FAM13B: variants seen among roughly 807,000 people sequenced by gnomAD.
FAM13B encodes protein FAM13B.
FAM13B carries 60 observed loss-of-function variants against 117.3 expected under a neutral mutation model. That is an observed-to-expected ratio of 0.51 (90% confidence interval 0.42 to 0.63). The LOEUF is 0.63. FAM13B is among the 30% of genes least tolerant of loss of function. The pLI, the probability that FAM13B is intolerant of heterozygous loss-of-function variation, is 0.00. For synonymous variants in FAM13B, 332 were observed against 356.1 expected, an observed-to-expected ratio of 0.93 and a Z score of 0.76; for missense variants, 972 against 1,091.9, an observed-to-expected ratio of 0.89 and a Z score of 1.55.
chr5:138,029,887 C>A (rs984187867), intron 1 of FAM13B, among the ~76,000 whole-genome samples: 1 of 152,142 alleles, frequency 6.6e-6, no homozygotes, highest in Non-Finnish European at 1.5e-5. Flanking sequence ...TGACAGACAT[C>A]GCTCTTAAAA....
At chr5:138,004,471 T>A (rs1782052791) in intron 7 of FAM13B, among the ~76,000 whole-genome samples, 1 of 152,210 alleles carries the variant, frequency 6.6e-6, no homozygotes, top group African/African-American at 2.4e-5. Context: ...CCAAAAGAAA[T>A]TCTACAATGA....
rs36054299 is a variant in FAM13B, at chr5:138,012,216, C to CTTT, written c.371-274_371-272dup. 1.2e-3 allele frequency among the ~76,000 whole-genome samples: 143 copies of CTTT among 121,690 alleles called. 2 individuals carry two copies. Among genetic ancestry groups the CTTT allele is most frequent in the African/African-American group, 2.1e-3 (72 of 33,580 alleles). 79.8% of individuals were successfully genotyped at this position (121,690 alleles called of 152,430 possible). ...TCTATTACTCATTGGCCCCAATTCT[C>CTTT]TTTTTTTTTTTTTTTTTTTTTTAAT... On this transcript the variant is annotated intron_variant, in intron 4 of 23. Coordinates refer to ENST00000689681, the MANE Select transcript of FAM13B (RefSeq NM_001385994.1).
chr5:138,025,306 TATATG>T (rs201680953), intron 1 of FAM13B, among the ~76,000 whole-genome samples: 18,867 of 93,530 alleles, frequency 0.2, 2,986 homozygotes, highest in Non-Finnish European at 0.23. Context: ...TATATATATA[TATATG>T]TATTTTTTTT....
In FAM13B at chr5:138,028,968, G is replaced by A. The variant is rs557081694; in HGVS notation, c.-203+3814C>T. On this transcript the variant is annotated intron_variant, in intron 1 of 23. Transcript: ENST00000689681. Reference sequence around the variant, plus strand: ...CAGGAGACGGAGGTTGCAGTGAGCCGAGATCGCCGCCATTGCACTCCAGCC... The same window carrying A: ...CAGGAGACGGAGGTTGCAGTGAGCCAAGATCGCCGCCATTGCACTCCAGCC... Among the ~76,000 whole-genome samples the A allele has an allele frequency of 2.0e-3, 301 of 152,240 alleles. 1 individual carries two copies. The highest frequency in any genetic ancestry group is 6.8e-3 in the African/African-American group (284 of 41,550).
At chr5:137,943,341 C>G in intron 20 of FAM13B, 125 bp from the exon 21 acceptor site, 1 of 720,072 alleles carries the variant, frequency 1.4e-6, no homozygotes, top group Non-Finnish European at 2.2e-6. Flanking sequence ...TGCTTTAAAT[C>G]TTTTTAGGAA....
At chr5:137,997,193 G>C (rs62381759) in intron 7 of FAM13B, among the ~76,000 whole-genome samples, 112,293 of 152,102 alleles carry the variant, frequency 0.74, 42,113 homozygotes, top group East Asian at 0.97. Context: ...AATGAGGCCA[G>C]ATGCCGTGGC....
At chr5:137,943,466 G>C (rs1197112700) in intron 20 of FAM13B, among the ~76,000 whole-genome samples, 1 of 152,168 alleles carries the variant, frequency 6.6e-6, no homozygotes, top group African/African-American at 2.4e-5. Flanking sequence ...TTCTAAATGG[G>C]CCAGGCACGG....
At chr5:138,051,745 G>A (rs1209149737) in intron 1 of FAM13B, 1 of 152,168 alleles carries the variant, frequency 6.6e-6, no homozygotes, top group Non-Finnish European at 1.5e-5. Context: ...GATGAGAAAT[G>A]TGAGAACCAT....
chr5:137,952,838 A>C, intron 16 of FAM13B, 129 bp from the exon 17 acceptor site: 1 of 592,168 alleles, frequency 1.7e-6, no homozygotes, highest in Non-Finnish European at 2.9e-6. Flanking sequence ...TATTTTAATT[A>C]GATAGGGCAG....
At chr5:137,967,899 A>C (rs1474752374) in intron 10 of FAM13B, among the ~76,000 whole-genome samples, 1 of 151,948 alleles carries the variant, frequency 6.6e-6, no homozygotes, top group Admixed American at 6.6e-5. Flanking sequence ...GTCTCAAAAA[A>C]TAGAATAAAA....
chr5:137,986,742 AT>A lies in FAM13B; in HGVS notation c.1046+718del, dbSNP rs1359918782. On this transcript the variant is annotated intron_variant, in intron 9 of 23. Coordinates refer to ENST00000689681, the MANE Select transcript of FAM13B (RefSeq NM_001385994.1). ...CCAGTTAGCAACTGGCTCATAAATT[AT>A]TTTAAAAGCCATTCATTTGCTTATG... is the stretch of plus-strand genomic sequence containing the variant. 4.6e-5 allele frequency among the ~76,000 whole-genome samples: 7 copies of A among 152,342 alleles called. No individual in the cohort carries two copies. The Middle Eastern group carries it at 0.01, about 222-fold the overall frequency.
chr5:138,046,019 C>T (rs1358396239), intron 1 of FAM13B, among the ~76,000 whole-genome samples: 1 of 151,930 alleles, frequency 6.6e-6, no homozygotes, highest in Non-Finnish European at 1.5e-5. Context: ...CTTGAATTCT[C>T]ACATGTTGTG....
At chr5:138,020,456 T>G (rs1397203625) in intron 2 of FAM13B, among the ~76,000 whole-genome samples, 2 of 152,226 alleles carry the variant, frequency 1.3e-5, no homozygotes, top group Admixed American at 6.5e-5. Flanking sequence ...GGAATTGTGA[T>G]CAGTAAAGAA....
At chr5:138,010,901 G>A (rs1048950948) in intron 6 of FAM13B, 107 bp downstream of exon 6, 1 of 1,147,680 alleles carries the variant, frequency 8.7e-7, no homozygotes, top group Non-Finnish European at 1.1e-6. Flanking sequence ...ATTACTTCCA[G>A]GTCAGATTTA....
At chr5:137,988,763 CA>C (rs1008277762) in intron 7 of FAM13B, among the ~76,000 whole-genome samples, 1 of 151,880 alleles carries the variant, frequency 6.6e-6, no homozygotes, top group South Asian at 2.1e-4. Context: ...CCTTCTACAA[CA>C]AAAAAAAGTG....
intron 10 of FAM13B, among the ~76,000 whole-genome samples, chr5:137,965,514 T>C (rs1769440473): frequency 1.3e-5 from 2 of 152,230 alleles, no homozygotes; most frequent in Non-Finnish European, 1.5e-5. Flanking sequence ...CCTTGCTTAG[T>C]TCTGCATCTT....
upstream of FAM13B, among the ~76,000 whole-genome samples, chr5:138,035,640 C>T (rs1204107907): frequency 6.6e-6 from 1 of 152,130 alleles, no homozygotes; most frequent in East Asian, 1.9e-4. Flanking sequence ...GTCCTGTTGT[C>T]ATTGAGTCAC....
intron 1 of FAM13B, among the ~76,000 whole-genome samples, chr5:138,047,235 G>T (rs753486672): frequency 6.6e-6 from 1 of 151,440 alleles, no homozygotes. Context: ...GACCGGGCGC[G>T]GTGGCTCATA....
chr5:137,979,314 C>T (rs974535159), intron 10 of FAM13B, among the ~76,000 whole-genome samples: 1 of 152,090 alleles, frequency 6.6e-6, no homozygotes, highest in Non-Finnish European at 1.5e-5. Flanking sequence ...TGCCCACCAG[C>T]TCAGATATTT....
Sources: allele counts gnomAD v4.1 joint callset (sites outside exome capture counted in the v4.1 genomes callset), GRCh38; gene constraint gnomAD v4.1.1; transcripts MANE v1.5; gene names NCBI Gene and HGNC (gene_info 2026-07-23, HGNC 2026-07-21).